PSMA5: variants seen among roughly 807,000 people sequenced by gnomAD.
PSMA5 encodes the protein proteasome 20S subunit alpha 5, also known as proteasome subunit alpha type-5.
PSMA5 carries 3 observed loss-of-function variants against 34.5 expected under a neutral mutation model. That is an observed-to-expected ratio of 0.09 (90% CI 0.04 to 0.22). The LOEUF (loss-of-function observed/expected upper bound fraction) is 0.22, where lower values mean the gene tolerates loss of function less well. PSMA5 is among the 10% of genes least tolerant of loss of function. The probability of loss-of-function intolerance (pLI) is 1.00; values close to 1 mark genes in which losing one functional copy is unlikely to be tolerated. For missense variants in PSMA5, 120 were observed against 286.1 expected (o/e 0.42, Z 4.19); for synonymous variants, 88 against 95.8 (o/e 0.92, Z 0.47).
At position 109,410,800 on chromosome 1, in the gene PSMA5, AGTGGTAAACATG is replaced by A. The variant is rs370206273; in HGVS notation, c.561+199_561+210del. 1.2e-4 allele frequency among the ~76,000 whole-genome samples: 18 copies of A among 152,344 alleles called. No homozygotes were observed. The South Asian group carries it at 1.7e-3, about 14-fold the overall frequency. ...AGCACAACAGACAAAACTAATGGAGAGTGGTAAACATGGTGGTAAACATGGTTGCAAGGGAGG... is the reference window on the plus strand; with the variant it reads ...AGCACAACAGACAAAACTAATGGAGAGTGGTAAACATGGTTGCAAGGGAGG... On this transcript the variant is annotated intron_variant, in intron 7 of 8. Transcript: ENST00000271308.
intron 1 of PSMA5, among the ~76,000 whole-genome samples, chr1:109,423,952 C>T (rs1654546040): frequency 6.6e-6 from 1 of 152,212 alleles, no homozygotes; most frequent in African/African-American, 2.4e-5. Context: ...AAAAACCATT[C>T]AATATCTAGC....
In PSMA5 at chr1:109,403,026, C is replaced by A. The variant is rs150358704; in HGVS notation, c.649-936G>T. 1.0e-3 allele frequency among the ~76,000 whole-genome samples: 158 copies of A among 152,236 alleles called. 1 individual carries two copies. In the East Asian group the frequency reaches 0.025, roughly 24 times the overall value. ...GGCCTGTTACGTTTTTTTAAAAGAA[C>A]TGGCCAAGAAAAGATTTCATTAACA... On this transcript the variant is annotated intron_variant, in intron 8 of 8. Transcript: ENST00000271308.
intron 3 of PSMA5, among the ~76,000 whole-genome samples, chr1:109,414,364 CCTA>C (rs1654113214): frequency 6.6e-6 from 1 of 152,228 alleles, no homozygotes; most frequent in African/African-American, 2.4e-5. Flanking sequence ...CCCTTGTACT[CCTA>C]CTAAGAACAC....
At chr1:109,415,007 C>G (rs1654134767) in intron 3 of PSMA5, 1 of 428,884 alleles carries the variant, frequency 2.3e-6, no homozygotes, top group East Asian at 3.5e-5. Context: ...ACAACCATCA[C>G]ATTTACCAAG....
intron 8 of PSMA5, among the ~76,000 whole-genome samples, chr1:109,405,457 T>TG (rs1354479923): frequency 6.7e-6 from 1 of 148,594 alleles, no homozygotes; most frequent in Non-Finnish European, 1.5e-5. Flanking sequence ...GTTTTTTTTT[T>TG]TTTTTTTTTT....
chr1:109,412,980 G>A, intron 4 of PSMA5, 88 bp downstream of exon 4: 1 of 1,118,806 alleles, frequency 8.9e-7, no homozygotes, highest in Non-Finnish European at 1.4e-6. Context: ...TATTGACACA[G>A]GTACCTGCAG....
intron 1 of PSMA5, among the ~76,000 whole-genome samples, chr1:109,425,034 C>T (rs141534206): frequency 7.2e-6 from 1 of 139,702 alleles, no homozygotes; most frequent in Non-Finnish European, 1.5e-5. Flanking sequence ...GCCAAGATCA[C>T]GTCACTGCAC....
chr1:109,405,779 T>G (rs939546038), intron 8 of PSMA5, among the ~76,000 whole-genome samples: 4 of 152,036 alleles, frequency 2.6e-5, no homozygotes, highest in African/African-American at 9.7e-5. Flanking sequence ...AGATTAGATA[T>G]AGCTTAGAAA....
chr1:109,424,398 C>G (rs138517001), intron 1 of PSMA5, among the ~76,000 whole-genome samples: 216 of 152,222 alleles, frequency 1.4e-3, no homozygotes, highest in African/African-American at 5.1e-3. Context: ...AGGCTGGTCT[C>G]CAACTCCTGA....
intron 2 of PSMA5, among the ~76,000 whole-genome samples, chr1:109,416,661 C>T (rs139732720): frequency 9.9e-5 from 15 of 152,252 alleles, no homozygotes; most frequent in Middle Eastern, 3.4e-3. Context: ...TCATTTCACA[C>T]GCATATATAT....
At chr1:109,411,577 C>G (rs1382528369) in intron 6 of PSMA5, among the ~76,000 whole-genome samples, 1 of 151,700 alleles carries the variant, frequency 6.6e-6, no homozygotes, top group East Asian at 1.9e-4. Context: ...TATATACATA[C>G]ACACACACAC....
intron 1 of PSMA5, among the ~76,000 whole-genome samples, chr1:109,424,839 T>C (rs1455899046): frequency 6.6e-6 from 1 of 152,126 alleles, no homozygotes; most frequent in Non-Finnish European, 1.5e-5. Flanking sequence ...ATACAAAAAT[T>C]AGCTGGGAGT....
intron 8 of PSMA5, among the ~76,000 whole-genome samples, chr1:109,405,359 T>C (rs1035177027): frequency 7.3e-5 from 11 of 151,414 alleles, no homozygotes; most frequent in African/African-American, 4.9e-5. Context: ...AAGTCTCTAA[T>C]AGATTAAACA....
chr1:109,403,979 T>C (rs931868911), intron 8 of PSMA5, among the ~76,000 whole-genome samples: 5 of 152,186 alleles, frequency 3.3e-5, no homozygotes, highest in African/African-American at 1.2e-4. Context: ...GTTTACCATG[T>C]AGACCATGAG....
chr1:109,410,725 T>C (rs1462257750), intron 7 of PSMA5, among the ~76,000 whole-genome samples: 1 of 152,230 alleles, frequency 6.6e-6, no homozygotes, highest in Non-Finnish European at 1.5e-5. Flanking sequence ...AACAGTGTGT[T>C]AAACAAAACA....
At chr1:109,402,981 A>G (rs1224270907) in intron 8 of PSMA5, among the ~76,000 whole-genome samples, 1 of 152,198 alleles carries the variant, frequency 6.6e-6, no homozygotes, top group African/African-American at 2.4e-5. Flanking sequence ...CTAGGATTAC[A>G]GATGTGAGCT....
chr1:109,409,457 T>C (rs1320973982), intron 8 of PSMA5, among the ~76,000 whole-genome samples: 2 of 152,232 alleles, frequency 1.3e-5, no homozygotes. Flanking sequence ...TCGCCAGGCC[T>C]CATTCTTTAA....
intron 2 of PSMA5, among the ~76,000 whole-genome samples, chr1:109,419,185 A>G (rs993382226): frequency 2.0e-5 from 3 of 152,164 alleles, no homozygotes; most frequent in African/African-American, 7.2e-5. Context: ...AGTTTCTACA[A>G]TACTACTGGA....
Position 109,426,331 on chromosome 1 carries a change from G to A in PSMA5, c.-1C>T. 1 of 1,613,964 alleles carries A rather than the reference G, an allele frequency of 6.2e-7. No homozygotes were observed. ...CGTACTCAGACCGGGTAAGAAACATGGCGAGGGTAGGAGGAGGCAGCGGCT... is the reference window on the plus strand; with the variant it reads ...CGTACTCAGACCGGGTAAGAAACATAGCGAGGGTAGGAGGAGGCAGCGGCT... On this transcript the variant is annotated 5_prime_UTR_variant, in exon 1 of 9. Transcript: ENST00000271308.
Sources: gnomAD v4.1 joint callset for allele counts (sites outside exome capture counted in the v4.1 genomes callset) on GRCh38, gnomAD v4.1.1 for gene constraint, MANE v1.5 for transcripts, NCBI Gene and HGNC (gene_info 2026-07-23, HGNC 2026-07-21) for gene names.